The following TTC7A variants were observed in gnomAD, a reference collection of about 807,000 sequenced individuals.
The protein encoded by TTC7A is tetratricopeptide repeat domain 7A, also known as tetratricopeptide repeat protein 7A.
TTC7A carries 110 observed loss-of-function variants against 103.7 expected under a neutral mutation model. The ratio of observed to expected loss-of-function variants is 1.06; its 90% CI spans 0.91 to 1.24. The LOEUF is 1.24. Ranked by LOEUF, TTC7A falls within the 50% of genes most tolerant of loss-of-function variation. The probability of loss-of-function intolerance (pLI) is 0.00; values close to 1 mark genes in which losing one functional copy is unlikely to be tolerated. For missense variants in TTC7A, 1,340 were observed against 1,116.3 expected, an observed-to-expected ratio of 1.20 and a Z score of -2.86; for synonymous variants, 521 against 467.9, an observed-to-expected ratio of 1.11 and a Z score of -1.47.
At chr2:47,053,478 C>T (rs1683042662) in intron 18 of TTC7A, among the ~76,000 whole-genome samples, 1 of 152,024 alleles carries the variant, frequency 6.6e-6, no homozygotes, top group Admixed American at 6.6e-5. Context: ...GCTCCCAGGC[C>T]TTTGTTTGAA....
At chr2:47,036,849 T>G (rs1681165192) in intron 15 of TTC7A, among the ~76,000 whole-genome samples, 1 of 152,210 alleles carries the variant, frequency 6.6e-6, no homozygotes, top group Non-Finnish European at 1.5e-5. Flanking sequence ...CAGAACTGTC[T>G]CTTTAAAAAA....
intron 1 of TTC7A, among the ~76,000 whole-genome samples, chr2:46,945,024 A>G (rs1411291146): frequency 6.6e-6 from 1 of 152,248 alleles, no homozygotes; most frequent in Non-Finnish European, 1.5e-5. Flanking sequence ...TCAAATATAC[A>G]GTAAAGGTCA....
At chr2:47,073,018 C>T (rs1558655842) in intron 19 of TTC7A, among the ~76,000 whole-genome samples, 2 of 152,286 alleles carry the variant, frequency 1.3e-5, no homozygotes, top group Non-Finnish European at 2.9e-5. Flanking sequence ...CCAGACCCCC[C>T]AGGCCTTTCA....
In TTC7A at chr2:47,074,543, C is replaced by T. The variant is rs1361784421; in HGVS notation, c.*620C>T. On this transcript the variant is annotated 3_prime_UTR_variant, in exon 20 of 20. Transcript: ENST00000319190. ...CTAACACTTCCATCTCCACCCACCC[C>T]ATCTCCCTGGCGATGTGCTCCAGCC... The T allele has an allele frequency of 6.5e-6, 1 of 153,266 alleles. No homozygotes were observed. The highest frequency in any genetic ancestry group is 2.4e-5 in the African/African-American group (1 of 41,418). The allele number at this position is 153,266 out of a possible 1,614,324, so 9.5% of individuals were successfully genotyped here.
chr2:46,915,886 C>T (rs1341655947), upstream of TTC7A: 3 of 984,768 alleles, frequency 3.0e-6, no homozygotes, highest in Admixed American at 1.2e-4. Flanking sequence ...CCGGGCCCCT[C>T]CCGCTGGCGG....
intron 2 of TTC7A, among the ~76,000 whole-genome samples, chr2:46,952,607 C>A (rs1261106405): frequency 6.6e-6 from 1 of 152,116 alleles, no homozygotes; most frequent in Non-Finnish European, 1.5e-5. Flanking sequence ...TTTTAATTAG[C>A]TAGGCGTGGT....
chr2:47,036,544 C>G (rs575230153), intron 15 of TTC7A, among the ~76,000 whole-genome samples: 1 of 152,152 alleles, frequency 6.6e-6, no homozygotes, highest in Non-Finnish European at 1.5e-5. Flanking sequence ...GGCCCTCCCC[C>G]TTTCAGGGAG....
intron 19 of TTC7A, among the ~76,000 whole-genome samples, 188 bp from the exon 20 acceptor site, chr2:47,073,514 G>A (rs760099640): frequency 5.9e-5 from 9 of 152,202 alleles, no homozygotes; most frequent in Non-Finnish European, 1.0e-4. Context: ...TTAAAGCAGG[G>A]CTTGGGCAGG....
intron 2 of TTC7A, among the ~76,000 whole-genome samples, chr2:46,927,884 G>GTTTTTTTTTTTT (rs566447236): frequency 4.1e-5 from 3 of 73,322 alleles, no homozygotes; most frequent in Non-Finnish European, 7.8e-5. Context: ...TTTTTTTGGT[G>GTTTTTTTTTTTT]TTTTTTTTTT....
At chr2:46,935,079 G>A (rs1669908437) in intron 2 of TTC7A, among the ~76,000 whole-genome samples, 1 of 152,102 alleles carries the variant, frequency 6.6e-6, no homozygotes, top group Non-Finnish European at 1.5e-5. Flanking sequence ...GATTACAGGT[G>A]TGAGCCACCA....
intron 2 of TTC7A, among the ~76,000 whole-genome samples, chr2:46,952,770 C>G (rs1248441999): frequency 6.6e-6 from 1 of 152,154 alleles, no homozygotes; most frequent in Admixed American, 6.5e-5. Context: ...AAAAAAAGTT[C>G]TTGTTTTCCA....
intron 8 of TTC7A, among the ~76,000 whole-genome samples, chr2:46,996,707 G>A (rs751151773): frequency 1.3e-5 from 2 of 152,230 alleles, no homozygotes; most frequent in East Asian, 1.9e-4. Flanking sequence ...TTGCCCAGGG[G>A]AGGGGCCATC....
intron 11 of TTC7A, among the ~76,000 whole-genome samples, chr2:47,017,114 C>T (rs887812039): frequency 1.3e-5 from 2 of 148,334 alleles, no homozygotes; most frequent in African/African-American, 2.5e-5. Flanking sequence ...GCAGGAAAAT[C>T]GCTTCAACCC....
intron 19 of TTC7A, among the ~76,000 whole-genome samples, chr2:47,072,273 C>T (rs1201302294): frequency 6.6e-6 from 1 of 152,218 alleles, no homozygotes; most frequent in African/African-American, 2.4e-5. Flanking sequence ...CCTCTGCACG[C>T]CTCATCCGTG....
intron 5 of TTC7A, among the ~76,000 whole-genome samples, chr2:46,982,394 G>A (rs991979902): frequency 1.3e-5 from 2 of 151,840 alleles, no homozygotes; most frequent in African/African-American, 4.8e-5. Context: ...AAAAAGAATA[G>A]GTTGGAAGGG....
At chr2:46,980,212 CTCTCT>C (rs1252738348) in intron 5 of TTC7A, among the ~76,000 whole-genome samples, 4 of 142,326 alleles carry the variant, frequency 2.8e-5, no homozygotes, top group African/African-American at 2.5e-5. Context: ...CCTATACTCT[CTCTCT>C]TTTTTTTTTT....
At chr2:47,021,820 C>T (rs898076975) in intron 11 of TTC7A, 42 bp from the exon 12 acceptor site, 1 of 1,554,834 alleles carries the variant, frequency 6.4e-7, no homozygotes, top group Non-Finnish European at 8.9e-7. Flanking sequence ...GTAGAGGAAA[C>T]TCCAACCCCA....
chr2:47,068,605 G>C (rs1182370453), intron 19 of TTC7A: 1 of 152,030 alleles, frequency 6.6e-6, no homozygotes, highest in Non-Finnish European at 1.5e-5. Flanking sequence ...GCAGGCCCAT[G>C]GTGTGGGGGG....
intron 15 of TTC7A, among the ~76,000 whole-genome samples, chr2:47,032,559 G>C (rs1179333362): frequency 6.6e-6 from 1 of 152,144 alleles, no homozygotes; most frequent in Non-Finnish European, 1.5e-5. Context: ...AGGGATTCTG[G>C]AGGTTATTCT....
Sources: gnomAD v4.1 joint callset for allele counts (sites outside exome capture counted in the v4.1 genomes callset) on GRCh38, gnomAD v4.1.1 for gene constraint, MANE v1.5 for transcripts, NCBI Gene and HGNC (gene_info 2026-07-23, HGNC 2026-07-21) for gene names.